PTPRB: variants seen among roughly 807,000 people sequenced by gnomAD.
PTPRB encodes receptor-type tyrosine-protein phosphatase beta.
A neutral mutation model predicts 238.1 loss-of-function variants in PTPRB; 97 were observed. The ratio of observed to expected loss-of-function variants is 0.41; its 90% CI spans 0.35 to 0.48. The LOEUF (loss-of-function observed/expected upper bound fraction) is 0.48. Among genes scored for constraint, PTPRB ranks in the 20% least tolerant of loss-of-function variants. The probability of loss-of-function intolerance (pLI) is 0.30; values close to 1 mark genes in which losing one functional copy is unlikely to be tolerated. For synonymous variants in PTPRB, 970 were observed against 995.4 expected (o/e 0.97, Z 0.48); for missense variants, 2,292 against 2,681.9 (o/e 0.85, Z 3.21).
intron 14 of PTPRB, among the ~76,000 whole-genome samples, chr12:70,567,347 C>A (rs530990703): frequency 6.6e-6 from 1 of 152,270 alleles, no homozygotes; most frequent in South Asian, 2.1e-4. Context: ...CCTGCTTTTG[C>A]AAATTACATC....
chr12:70,636,860 G>A (rs1486853217), intron 1 of PTPRB, among the ~76,000 whole-genome samples: 1 of 152,114 alleles, frequency 6.6e-6, no homozygotes, highest in African/African-American at 2.4e-5. Context: ...TTTTCAATGA[G>A]GTTTTACTTA....
At chr12:70,559,725 T>C in intron 17 of PTPRB, 101 bp from the exon 18 acceptor site, 1 of 1,136,716 alleles carries the variant, frequency 8.8e-7, no homozygotes, top group Non-Finnish European at 1.2e-6. Context: ...TAATGTACTT[T>C]GTAGGAAGAG....
chr12:70,564,862 AAT>A (rs1565949789), intron 15 of PTPRB, among the ~76,000 whole-genome samples: 4 of 98,416 alleles, frequency 4.1e-5, no homozygotes, highest in African/African-American at 1.1e-4. Context: ...TAATAATAAT[AAT>A]AATAATAATA....
chr12:70,555,446 C>T, intron 19 of PTPRB, 137 bp from the exon 20 acceptor site: 1 of 849,072 alleles, frequency 1.2e-6, no homozygotes, highest in Non-Finnish European at 1.8e-6. Flanking sequence ...GTGTTTAATG[C>T]TGTAATCAAG....
intron 10 of PTPRB, among the ~76,000 whole-genome samples, chr12:70,580,124 A>C (rs1163169841): frequency 6.6e-6 from 1 of 152,106 alleles, no homozygotes; most frequent in East Asian, 1.9e-4. Flanking sequence ...TTACATAGAA[A>C]ATTCTATGTA....
chr12:70,554,673 C>A (rs1416188740), intron 20 of PTPRB, among the ~76,000 whole-genome samples: 1 of 152,076 alleles, frequency 6.6e-6, no homozygotes, highest in Non-Finnish European at 1.5e-5. Flanking sequence ...TTCTTTTAAG[C>A]TTTTGGTTAT....
intron 4 of PTPRB, among the ~76,000 whole-genome samples, chr12:70,598,052 CAG>C (rs1883180813): frequency 6.6e-6 from 1 of 152,134 alleles, no homozygotes; most frequent in Non-Finnish European, 1.5e-5. Context: ...CAAAAATTAA[CAG>C]AGTGCCCGAA....
At chr12:70,595,277 A>T (rs1341984556) in intron 5 of PTPRB, among the ~76,000 whole-genome samples, 1 of 152,114 alleles carries the variant, frequency 6.6e-6, no homozygotes, top group Non-Finnish European at 1.5e-5. Flanking sequence ...GGAGGGGAAC[A>T]TCACACACGG....
At chr12:70,523,902 A>G (rs116435709) in intron 33 of PTPRB, among the ~76,000 whole-genome samples, 1,606 of 150,380 alleles carry the variant, frequency 0.011, 29 homozygotes, top group African/African-American at 0.037. Context: ...TGCAACTTCT[A>G]CCTCCCAGGT....
Position 70,572,029 on chromosome 12 carries a change from C to A in PTPRB, c.2901G>T (p.Arg967Ser), listed in dbSNP as rs764212704. 2 of 1,613,508 alleles carry A rather than the reference C, an allele frequency of 1.2e-6. No individual in the cohort carries two copies. The highest frequency in any genetic ancestry group is 1.7e-5 in the Admixed American group (1 of 60,000). ...CTCCAGTGGCATGCACCCAGGATACCCTTAAATAGTCACTCCTGGCTGAGT... is the reference window on the plus strand; with the variant it reads ...CTCCAGTGGCATGCACCCAGGATACACTTAAATAGTCACTCCTGGCTGAGT... ...VSNSARSDYL[R>S]VSWVHATGDF... Residue 967 changes from arginine (R) to serine (S), a missense_variant, in exon 12 of 34, where the codon AGG (arginine) becomes AGT (serine). By Grantham distance (110) the Arg-to-Ser change is moderately radical. Coordinates refer to ENST00000334414, the MANE Select transcript of PTPRB (RefSeq NM_001109754.4).
At chr12:70,550,755 C>T (rs1156808747) in intron 21 of PTPRB, among the ~76,000 whole-genome samples, 2 of 152,114 alleles carry the variant, frequency 1.3e-5, no homozygotes, top group Non-Finnish European at 2.9e-5. Flanking sequence ...GTTATCTTCA[C>T]CCCTCCCCTT....
At chr12:70,559,262 C>T (rs775394476) in intron 18 of PTPRB, 81 bp downstream of exon 18, 2 of 1,411,948 alleles carry the variant, frequency 1.4e-6, no homozygotes, top group South Asian at 1.2e-5. Flanking sequence ...TGGATTTAAT[C>T]CAAGCCCTAT....
In PTPRB at chr12:70,576,497, G is replaced by A. The variant is rs199753796; in HGVS notation, c.2727C>T (p.Ala909=). The A allele has an allele frequency of 9.5e-6, 15 of 1,580,498 alleles. No individual in the cohort carries two copies. The East Asian group carries it at 3.0e-4, about 31-fold the overall frequency. The change falls in exon 11 of 34, where the codon GCC becomes GCT. Residue 909 remains alanine (A), a synonymous_variant. Coordinates refer to ENST00000334414, the MANE Select transcript of PTPRB (RefSeq NM_001109754.4). Reference sequence around the variant, plus strand: ...TGAAGGAACATTCTCTGACAGACTTGGCAATGACAAGGGACTGAACCACCT... The same window carrying A: ...TGAAGGAACATTCTCTGACAGACTTAGCAATGACAAGGGACTGAACCACCT... ...DGKVVQSLVI[A]KSVRECSFSS...
Position 70,534,566 on chromosome 12 carries a change from G to A in PTPRB, c.6290C>T (p.Ser2097Phe). 1 of 1,613,280 alleles carries A rather than the reference G, an allele frequency of 6.2e-7. No homozygotes were observed. Among genetic ancestry groups the A allele is most frequent in the South Asian group, 1.1e-5 (1 of 90,816 alleles). The change falls in exon 31 of 34, where the codon TCT becomes TTT. Residue 2097 changes from serine to phenylalanine, a missense_variant. By Grantham distance (155) the Ser-to-Phe change is radical. Coordinates refer to ENST00000334414, the MANE Select transcript of PTPRB (RefSeq NM_001109754.4). ...GACAGTTCTCACAAACTGGATCAGA[G>A]ACTGGGTGGTTTCTGGGACTCCATG... ...PDHGVPETTQ[S>F]LIQFVRTVRD...
chr12:70,530,704 A>G (rs1873105038), intron 32 of PTPRB, among the ~76,000 whole-genome samples: 1 of 152,154 alleles, frequency 6.6e-6, no homozygotes, highest in African/African-American at 2.4e-5. Flanking sequence ...GGGTACATGG[A>G]AACTCACTAT....
intron 6 of PTPRB, among the ~76,000 whole-genome samples, chr12:70,593,382 A>G (rs1455030747): frequency 6.6e-6 from 1 of 151,966 alleles, no homozygotes; most frequent in Non-Finnish European, 1.5e-5. Flanking sequence ...GCGTGGTGGC[A>G]GGTGCCTGCA....
chr12:70,623,979 T>C (rs12579116), intron 2 of PTPRB, among the ~76,000 whole-genome samples: 8,330 of 152,278 alleles, frequency 0.055, 510 homozygotes, highest in East Asian at 0.33. Flanking sequence ...AAGGTATTTT[T>C]ATAATTTATC....
intron 31 of PTPRB, among the ~76,000 whole-genome samples, chr12:70,532,923 G>A (rs1171015944): frequency 6.6e-6 from 1 of 152,180 alleles, no homozygotes; most frequent in African/African-American, 2.4e-5. Context: ...GGGATTAGAG[G>A]CAGGATATAC....
intron 9 of PTPRB, among the ~76,000 whole-genome samples, chr12:70,586,455 A>T (rs1375827492): frequency 1.3e-5 from 2 of 152,302 alleles, no homozygotes; most frequent in East Asian, 3.9e-4. Flanking sequence ...TAGGATCTTT[A>T]TAGTAGTGTG....
Sources: gnomAD v4.1 joint callset for allele counts (sites outside exome capture counted in the v4.1 genomes callset) on GRCh38, gnomAD v4.1.1 for gene constraint, MANE v1.5 for transcripts, NCBI Gene and HGNC (gene_info 2026-07-23, HGNC 2026-07-21) for gene names.